The following ROR1 variants were observed in gnomAD, a reference collection of about 807,000 sequenced individuals.
ROR1 encodes ROR family WNT receptor 1.
A neutral mutation model predicts 78.8 loss-of-function variants in ROR1; 19 were observed. The observed-to-expected ratio is 0.24, with a 90% CI of 0.17 to 0.35. The LOEUF (loss-of-function observed/expected upper bound fraction) is 0.35. Ranked by LOEUF, ROR1 falls within the 10% of genes least tolerant of loss-of-function variation. The pLI is 1.00. For missense variants in ROR1, 917 were observed against 1,177.8 expected (o/e 0.78, Z 3.24); for synonymous variants, 386 against 433.6 (o/e 0.89, Z 1.36).
At position 64,140,406 on chromosome 1, in the gene ROR1, T is replaced by C. The variant is rs367650272; in HGVS notation, c.908T>C (p.Met303Thr). ...AACTGTATCCGGATTGGAATTCCCA[T>C]GGCAGATCCTATAAATAAAAGTAAG... ...AANCIRIGIP[M>T]ADPINKNHKC... Residue 303 changes from methionine (M) to threonine (T), a missense_variant, in exon 6 of 9, where the codon ATG becomes ACG. Coordinates refer to ENST00000371079, the MANE Select transcript of ROR1 (RefSeq NM_005012.4). 4 of 1,613,420 alleles carry C rather than the reference T, an allele frequency of 2.5e-6. No individual in the cohort carries two copies. The highest frequency in any genetic ancestry group is 3.4e-6 in the Non-Finnish European group (4 of 1,179,400).
intron 8 of ROR1, 118 bp downstream of exon 8, chr1:64,159,310 A>G: frequency 1.3e-6 from 1 of 794,874 alleles, no homozygotes; most frequent in Non-Finnish European, 2.1e-6. Context: ...ATAAGTGCTA[A>G]GGTTCATTTT....
chr1:63,850,726 C>T (rs1414441672), intron 1 of ROR1, among the ~76,000 whole-genome samples: 3 of 152,096 alleles, frequency 2.0e-5, no homozygotes, highest in African/African-American at 7.2e-5. Flanking sequence ...GAATTATCCT[C>T]ATCAAAGCCT....
chr1:63,838,797 G>A (rs756633538), intron 1 of ROR1, among the ~76,000 whole-genome samples: 4 of 152,034 alleles, frequency 2.6e-5, no homozygotes, highest in Non-Finnish European at 4.4e-5. Context: ...TCTAATTCCT[G>A]CAAGCTCCAT....
At chr1:63,900,751 T>A (rs1306265534) in intron 1 of ROR1, among the ~76,000 whole-genome samples, 1 of 152,198 alleles carries the variant, frequency 6.6e-6, no homozygotes, top group East Asian at 1.9e-4. Flanking sequence ...TCTATTCGTA[T>A]GCATTATATA....
intron 1 of ROR1, among the ~76,000 whole-genome samples, chr1:63,957,226 C>G (rs1192454807): frequency 6.6e-6 from 1 of 152,182 alleles, no homozygotes; most frequent in Non-Finnish European, 1.5e-5. Flanking sequence ...CTTCCTGCAG[C>G]CTGAATGTGC....
intron 4 of ROR1, 108 bp downstream of exon 4, chr1:64,050,824 G>GTCATTCCATTTTGCCCTGCCC (rs1208923511): frequency 1.2e-5 from 13 of 1,100,062 alleles, no homozygotes; most frequent in Middle Eastern, 2.0e-4. Context: ...GCTTCCAGAT[G>GTCATTCCATTTTGCCCTGCCC]TCATTCCATT....
In ROR1 at chr1:63,774,054, G is replaced by T; in HGVS notation, c.-364G>T. 6.2e-6 allele frequency: 1 copy of T among 162,600 alleles called. No homozygotes were observed. Among genetic ancestry groups the T allele is most frequent in the Non-Finnish European group, 1.3e-5 (1 of 75,028 alleles). The allele number at this position is 162,600 out of a possible 1,614,324, so 10.1% of individuals were successfully genotyped here. Reference sequence around the variant, plus strand: ...AGAGGGAGCGTGGAGAGCTGGAGCAGCCGCCACCGCCGCCGCCGAGGGAGC... The same window carrying T: ...AGAGGGAGCGTGGAGAGCTGGAGCATCCGCCACCGCCGCCGCCGAGGGAGC... On this transcript the variant is annotated 5_prime_UTR_variant, in exon 1 of 9. Transcript: ENST00000371079. The surrounding 1 kb of genome is among the most constrained non-coding windows in gnomAD (Gnocchi z 5.7).
intron 1 of ROR1, among the ~76,000 whole-genome samples, chr1:63,927,959 CTTTTT>C (rs71056016): frequency 2.2e-5 from 3 of 134,192 alleles, no homozygotes; most frequent in African/African-American, 5.2e-5. Context: ...AAGGGGTTCC[CTTTTT>C]TTTTTTTTTT....
chr1:63,940,366 A>G (rs1421687671), intron 1 of ROR1, among the ~76,000 whole-genome samples: 2 of 152,180 alleles, frequency 1.3e-5, no homozygotes, highest in Admixed American at 1.3e-4. Flanking sequence ...CAAATCTGGG[A>G]CACTTTGAGT....
chr1:63,885,187 G>C (rs1030119501), intron 1 of ROR1, among the ~76,000 whole-genome samples: 47 of 152,130 alleles, frequency 3.1e-4, no homozygotes, highest in African/African-American at 1.1e-3. Context: ...GCTGAGTAAT[G>C]AGACAGATCC....
At chr1:64,014,653 T>TA (rs397943151) in intron 2 of ROR1, among the ~76,000 whole-genome samples, 1,841 of 116,786 alleles carry the variant, frequency 0.016, 58 homozygotes, top group African/African-American at 0.058. Flanking sequence ...ACCTACTACT[T>TA]AAAAAAAAAA....
chr1:64,101,162 C>G (rs904808490), intron 4 of ROR1, among the ~76,000 whole-genome samples: 23 of 152,156 alleles, frequency 1.5e-4, no homozygotes, highest in African/African-American at 5.5e-4. Context: ...TTGAGCTGCT[C>G]TGTGCAGAAA....
intron 1 of ROR1, among the ~76,000 whole-genome samples, chr1:63,792,082 T>C (rs906632971): frequency 2.0e-5 from 3 of 150,238 alleles, no homozygotes; most frequent in African/African-American, 4.9e-5. Context: ...GTAAAGGAGG[T>C]GGGGTGGGTG....
intron 1 of ROR1, among the ~76,000 whole-genome samples, chr1:63,936,439 C>T (rs1645795160): frequency 6.6e-6 from 1 of 152,098 alleles, no homozygotes; most frequent in Admixed American, 6.6e-5. Flanking sequence ...TGACTGTTTT[C>T]TAAAACACCC....
intron 4 of ROR1, among the ~76,000 whole-genome samples, chr1:64,093,242 G>T (rs1469411457): frequency 6.6e-6 from 1 of 152,096 alleles, no homozygotes; most frequent in African/African-American, 2.4e-5. Flanking sequence ...ACTGCCCTTT[G>T]TAGGGTTTGT....
intron 1 of ROR1, among the ~76,000 whole-genome samples, chr1:63,948,632 C>T (rs1027675839): frequency 1.3e-5 from 2 of 152,100 alleles, no homozygotes; most frequent in South Asian, 2.1e-4. Context: ...TCTGCTGCCA[C>T]GGATTCTTAT....
At chr1:64,109,612 C>T (rs1175377172) in intron 4 of ROR1, among the ~76,000 whole-genome samples, 1 of 152,186 alleles carries the variant, frequency 6.6e-6, no homozygotes, top group Non-Finnish European at 1.5e-5. Flanking sequence ...ACTGCGACCT[C>T]AACCTCCCAG....
chr1:63,906,385 A>G (rs1359251737), intron 1 of ROR1, among the ~76,000 whole-genome samples: 1 of 152,162 alleles, frequency 6.6e-6, no homozygotes, highest in Non-Finnish European at 1.5e-5. Context: ...ATTTGTGTGT[A>G]TGTGTGTGTT....
At position 64,178,192 on chromosome 1, in the gene ROR1, C is replaced by T; in HGVS notation, c.2151C>T (p.Cys717=). 1 of 1,614,114 alleles carries T rather than the reference C, an allele frequency of 6.2e-7. No homozygotes were observed. The highest frequency in any genetic ancestry group is 8.5e-7 in the Non-Finnish European group (1 of 1,180,022). ...AGCTCTTACCATGCTCTGAAGACTGCCCACCCAGAATGTACAGCCTCATGA... is the reference window on the plus strand; with the variant it reads ...AGCTCTTACCATGCTCTGAAGACTGTCCACCCAGAATGTACAGCCTCATGA... The part of the protein sequence containing the change: ...KRQLLPCSED[C]PPRMYSLMTE... The change falls in exon 9 of 9, where the codon TGC becomes TGT. Residue 717 remains cysteine, a synonymous_variant. Transcript: ENST00000371079. This position sits in a 1 kb window ranked among gnomAD's most constrained non-coding sequence, Gnocchi z 4.3.
Sources: gnomAD v4.1 joint callset for allele counts (sites outside exome capture counted in the v4.1 genomes callset) on GRCh38, gnomAD v4.1.1 for gene constraint, Gnocchi (gnomAD v3.1) non-coding constraint, MANE v1.5 for transcripts, NCBI Gene and HGNC (gene_info 2026-07-23, HGNC 2026-07-21) for gene names.